Variants in ZSWIM6 observed in about 807,000 individuals in gnomAD.
ZSWIM6 encodes zinc finger SWIM domain-containing protein 6.
A neutral mutation model predicts 113.2 loss-of-function variants in ZSWIM6; 9 were observed. The observed-to-expected ratio is 0.08, with a 90% CI of 0.05 to 0.14. ZSWIM6 has a LOEUF of 0.14. Ranked by LOEUF, ZSWIM6 falls within the 10% of genes least tolerant of loss-of-function variation. The pLI is 1.00. For missense variants in ZSWIM6, 1,162 were observed against 1,552.2 expected (o/e 0.75, Z 4.22); for synonymous variants, 611 against 606.5 (o/e 1.01, Z -0.11).
intron 4 of ZSWIM6, among the ~76,000 whole-genome samples, chr5:61,511,907 G>C (rs1445976): frequency 0.61 from 92,672 of 151,960 alleles, 30,674 homozygotes; most frequent in African/African-American, 0.87. Context: ...TAGTGGGCAC[G>C]CAATAAATGG....
At chr5:61,351,790 C>T (rs1057331676) in intron 1 of ZSWIM6, among the ~76,000 whole-genome samples, 2 of 152,120 alleles carry the variant, frequency 1.3e-5, no homozygotes, top group Admixed American at 1.3e-4. Context: ...CTGTTAGTGT[C>T]CTTTCTGCAC....
chr5:61,531,530 G>A lies in ZSWIM6; in HGVS notation c.2050G>A (p.Gly684Arg), dbSNP rs1749431718. 1 of 1,551,710 alleles carries A rather than the reference G, an allele frequency of 6.4e-7. No homozygotes were observed. Among genetic ancestry groups the A allele is most frequent in the African/African-American group, 1.4e-5 (1 of 73,180 alleles). Reference protein sequence around the residue: ...HLPAHKFLEEGESYLTLAVEV... With the variant: ...HLPAHKFLEERESYLTLAVEV... ...ACCTGCACACAAATTCTTAGAAGAA[G>A]GGGAATCCTATTTAACGCTGGCTGT... is the stretch of plus-strand genomic sequence containing the variant. The change falls in exon 9 of 14, where the codon GGG (glycine) becomes AGG (arginine). Residue 684 changes from glycine to arginine, a missense_variant. By Grantham distance (125) the Gly-to-Arg change is moderately radical (BLOSUM62 -2). Coordinates refer to ENST00000252744, the MANE Select transcript of ZSWIM6 (RefSeq NM_020928.2).
chr5:61,352,537 C>A (rs1744813650), intron 1 of ZSWIM6, among the ~76,000 whole-genome samples: 1 of 152,190 alleles, frequency 6.6e-6, no homozygotes, highest in Non-Finnish European at 1.5e-5. Flanking sequence ...TTGCTTCACA[C>A]CCATCACACA....
intron 2 of ZSWIM6, among the ~76,000 whole-genome samples, chr5:61,485,423 A>G (rs373734341): frequency 6.6e-6 from 1 of 151,972 alleles, no homozygotes; most frequent in African/African-American, 2.4e-5. Context: ...CCTCTTCTCC[A>G]CTGTCTCAAG....
At chr5:61,349,185 T>C (rs1386625859) in intron 1 of ZSWIM6, among the ~76,000 whole-genome samples, 1 of 152,214 alleles carries the variant, frequency 6.6e-6, no homozygotes, top group Non-Finnish European at 1.5e-5. Context: ...CAGGTATTTC[T>C]AGTCTTGTTT....
At chr5:61,491,665 G>A (rs1748180114) in intron 3 of ZSWIM6, among the ~76,000 whole-genome samples, 1 of 151,962 alleles carries the variant, frequency 6.6e-6, no homozygotes, top group Admixed American at 6.6e-5. Context: ...TGGATAAAAT[G>A]CTTTTTGAAT....
intron 4 of ZSWIM6, among the ~76,000 whole-genome samples, chr5:61,502,397 A>C (rs1041899503): frequency 3.9e-5 from 6 of 152,148 alleles, no homozygotes; most frequent in African/African-American, 1.4e-4. Flanking sequence ...GGGGGTGTTC[A>C]GACACTGCCC....
intron 2 of ZSWIM6, among the ~76,000 whole-genome samples, chr5:61,474,943 G>A (rs1218177687): frequency 2.0e-5 from 3 of 152,180 alleles, no homozygotes; most frequent in African/African-American, 7.2e-5. Context: ...GGTAGAGTCT[G>A]CCAATGTTAA....
chr5:61,432,500 G>A (rs1046189390), intron 1 of ZSWIM6, among the ~76,000 whole-genome samples: 3 of 152,202 alleles, frequency 2.0e-5, no homozygotes, highest in Non-Finnish European at 2.9e-5. Flanking sequence ...GGCACCAAAC[G>A]ATTTGGGTTT....
At chr5:61,391,580 C>T in intron 1 of ZSWIM6, 4 of 915,534 alleles carry the variant, frequency 4.4e-6, no homozygotes, top group Non-Finnish European at 5.5e-6. Flanking sequence ...GTCTGGAGGC[C>T]TCGAGGGGTT....
At chr5:61,495,308 GA>G (rs1259104623) in intron 4 of ZSWIM6, among the ~76,000 whole-genome samples, 1 of 152,134 alleles carries the variant, frequency 6.6e-6, no homozygotes, top group African/African-American at 2.4e-5. Flanking sequence ...GGGTATTTGA[GA>G]TTAGCCGTTT....
At chr5:61,366,927 C>CAAAAAAAAAAAAAAAAAA (rs34423967) in intron 1 of ZSWIM6, among the ~76,000 whole-genome samples, 1 of 86,140 alleles carries the variant, frequency 1.2e-5, no homozygotes. Context: ...TCTGCTGTCT[C>CAAAAAAAAAAAAAAAAAA]AAAAAAAAAA....
intron 1 of ZSWIM6, among the ~76,000 whole-genome samples, chr5:61,428,248 AAC>A (rs1443462727): frequency 6.6e-6 from 1 of 152,222 alleles, no homozygotes; most frequent in Non-Finnish European, 1.5e-5. Context: ...GCAAAAAGAA[AAC>A]ACAGTCATGA....
chr5:61,348,085 G>A (rs1744700891), intron 1 of ZSWIM6, among the ~76,000 whole-genome samples: 1 of 152,110 alleles, frequency 6.6e-6, no homozygotes, highest in African/African-American at 2.4e-5. Context: ...GCCGGGTGTG[G>A]TGGCGGGCGC....
chr5:61,492,617 T>G (rs1458290610), intron 3 of ZSWIM6, among the ~76,000 whole-genome samples: 1 of 152,144 alleles, frequency 6.6e-6, no homozygotes, highest in South Asian at 2.1e-4. Flanking sequence ...TGGCAACTCC[T>G]TTTCTTCCTC....
chr5:61,464,651 C>A (rs1040731563), intron 1 of ZSWIM6, among the ~76,000 whole-genome samples: 1 of 152,040 alleles, frequency 6.6e-6, no homozygotes, highest in Admixed American at 6.5e-5. Context: ...AATTTGGCTG[C>A]CAAAGGCCTA....
intron 1 of ZSWIM6, among the ~76,000 whole-genome samples, chr5:61,413,436 G>A (rs1396929150): frequency 2.6e-5 from 4 of 151,884 alleles, no homozygotes; most frequent in African/African-American, 9.7e-5. Flanking sequence ...TGGACATTTG[G>A]CTTGGTTCCA....
intron 1 of ZSWIM6, among the ~76,000 whole-genome samples, chr5:61,333,491 A>G (rs1372595389): frequency 4.0e-5 from 6 of 151,538 alleles, no homozygotes; most frequent in Admixed American, 1.3e-4. Context: ...ATACACTTAA[A>G]GCCGCTCGGC....
chr5:61,357,002 A>G (rs1175412423), intron 1 of ZSWIM6, among the ~76,000 whole-genome samples: 1 of 151,640 alleles, frequency 6.6e-6, no homozygotes, highest in Non-Finnish European at 1.5e-5. Context: ...GTATTTTTCA[A>G]AATGTAGTCT....
Sources: allele counts gnomAD v4.1 joint callset (sites outside exome capture counted in the v4.1 genomes callset), GRCh38; gene constraint gnomAD v4.1.1; transcripts MANE v1.5; gene names NCBI Gene and HGNC (gene_info 2026-07-23, HGNC 2026-07-21).